SP3: variants seen among roughly 807,000 people sequenced by gnomAD.
SP3 encodes the protein Sp3 transcription factor, also known as transcription factor Sp3.
In SP3, 10 loss-of-function variants were observed where a neutral mutation model predicts 70.3. The ratio of observed to expected loss-of-function variants is 0.14; its 90% CI spans 0.09 to 0.24. The LOEUF is 0.24. Ranked by LOEUF, SP3 falls within the 10% of genes least tolerant of loss-of-function variation. The probability of loss-of-function intolerance (pLI) is 1.00; values close to 1 mark genes in which losing one functional copy is unlikely to be tolerated. For missense variants in SP3, 825 were observed against 914.6 expected, an observed-to-expected ratio of 0.90 and a Z score of 1.26; for synonymous variants, 402 against 333.5, an observed-to-expected ratio of 1.21 and a Z score of -2.24.
chr2:173,938,688 C>G (rs918130544), intron 4 of SP3, among the ~76,000 whole-genome samples: 1 of 151,808 alleles, frequency 6.6e-6, no homozygotes, highest in African/African-American at 2.4e-5. Context: ...ATTAAACAAG[C>G]GGTAATTCAA....
chr2:173,907,089 T>A lies in SP3; in HGVS notation c.*2852A>T, dbSNP rs1258873582. ...AAAGGTTATGTGCTTTTTGGTTGAG[T>A]CACTTTTCAGTAATTAAGCCTCAAT... On this transcript the variant is annotated 3_prime_UTR_variant, in exon 7 of 7. Coordinates refer to ENST00000310015, the MANE Select transcript of SP3 (RefSeq NM_003111.5). 2 of 152,156 alleles carry A rather than the reference T, an allele frequency of 1.3e-5. No individual in the cohort carries two copies. Among genetic ancestry groups the A allele is most frequent in the Non-Finnish European group, 2.9e-5 (2 of 68,006 alleles). 9.4% of individuals were successfully genotyped at this position (152,156 alleles called of 1,614,324 possible). A position where few individuals can be genotyped will look rare whatever the true frequency, so the allele number is the denominator to read the frequency against.
In SP3 at chr2:173,954,854, G is replaced by A; in HGVS notation, c.1639+19C>T. ...TTATCACTGAACTTATTTATGGCAT[G>A]ACATAACTTAAGACTCACCTGCAGG... On this transcript the variant is annotated intron_variant, in intron 4 of 6. Coordinates refer to ENST00000310015, the MANE Select transcript of SP3 (RefSeq NM_003111.5). 6.3e-7 allele frequency: 1 copy of A among 1,599,866 alleles called. No homozygotes were observed. The highest frequency in any genetic ancestry group is 2.2e-5 in the East Asian group (1 of 44,522).
At chr2:173,925,154 A>C (rs1296911262) in intron 4 of SP3, among the ~76,000 whole-genome samples, 1 of 152,152 alleles carries the variant, frequency 6.6e-6, no homozygotes, top group African/African-American at 2.4e-5. Flanking sequence ...TGATCCGCCC[A>C]CCCAAAGTGC....
chr2:173,913,171 C>T lies in SP3; in HGVS notation c.1928G>A (p.Arg643His). Residue 643 changes from arginine to histidine, a missense_variant, in exon 6 of 7, where the codon CGT (arginine) becomes CAT (histidine). Physicochemically the swap from Arg to His is conservative, Grantham distance 29 (BLOSUM62 0). Coordinates refer to ENST00000310015, the MANE Select transcript of SP3 (RefSeq NM_003111.5). ...AAAAGGGCGTTCTCCAGAATGCCAA[C>T]GCAGATGAGCTCTCAGATGTGAGGT... ...GKTSHLRAHLRWHSGERPFVC... is the reference protein window; with the variant it reads ...GKTSHLRAHLHWHSGERPFVC... The T allele has an allele frequency of 6.2e-7, 1 of 1,613,524 alleles. No individual in the cohort carries two copies.
intron 4 of SP3, among the ~76,000 whole-genome samples, chr2:173,944,108 T>C (rs1690460757): frequency 6.6e-6 from 1 of 152,244 alleles, no homozygotes; most frequent in South Asian, 2.1e-4. Flanking sequence ...AGCATGTGAC[T>C]ATAACCTCAA....
chr2:173,955,344 T>G lies in SP3; in HGVS notation c.1168A>C (p.Thr390Pro), dbSNP rs1455045733. The change falls in exon 4 of 7, where the codon ACA (threonine) becomes CCA (proline). Residue 390 changes from threonine (T) to proline (P), a missense_variant. Physicochemically the swap from Thr to Pro is conservative, Grantham distance 38. Around this residue, in one of 4 missense-constraint regions of SP3, gnomAD observed 678 missense variants for 651.6 expected, o/e 1.04. Coordinates refer to ENST00000310015, the MANE Select transcript of SP3 (RefSeq NM_003111.5). ...AGATGCTGTACAACAGGCTGTGCTG[T>G]AGAAACCTGAATATTCTGTGCCTGT... ...ETQAQNIQVS[T>P]AQPVVQHLQL... is the part of the protein sequence containing the mutation. 1 of 1,613,940 alleles carries G rather than the reference T, an allele frequency of 6.2e-7. No homozygotes were observed. The highest frequency in any genetic ancestry group is 8.5e-7 in the Non-Finnish European group (1 of 1,180,014).
rs542541939 is a variant in SP3, at chr2:173,904,203, G to A, written c.*5738C>T. 8.5e-5 allele frequency among the ~76,000 whole-genome samples: 13 copies of A among 152,240 alleles called. No homozygotes were observed. The highest frequency in any genetic ancestry group is 7.8e-4 in the Admixed American group (12 of 15,302). ...CGCTTACCTCCTGCTGTATGGCCTG[G>A]TTCCTCACAGACCAGGGACCAGGAC... On this transcript the variant is annotated 3_prime_UTR_variant, in exon 7 of 7. Transcript: ENST00000310015.
rs1689310566 is a variant in SP3, at chr2:173,906,048, A to G, written c.*3893T>C. ...GACTAGAATGAATTTTTCTGGGGAGAAGGTGTAGGATTCCAAAAAGACTAG... is the reference window on the plus strand; with the variant it reads ...GACTAGAATGAATTTTTCTGGGGAGGAGGTGTAGGATTCCAAAAAGACTAG... On this transcript the variant is annotated 3_prime_UTR_variant, in exon 7 of 7. Coordinates refer to ENST00000310015, the MANE Select transcript of SP3 (RefSeq NM_003111.5). Among the ~76,000 whole-genome samples the G allele has an allele frequency of 6.6e-6, 1 of 152,140 alleles. No homozygotes were observed.
chr2:173,910,344 C>A, intron 6 of SP3, 87 bp from the exon 7 acceptor site: 3 of 1,115,576 alleles, frequency 2.7e-6, no homozygotes. Context: ...AGTAAGTCAA[C>A]GCTGACAGGT....
chr2:173,945,377 T>A (rs1019884769), intron 4 of SP3, among the ~76,000 whole-genome samples: 2 of 152,154 alleles, frequency 1.3e-5, no homozygotes, highest in Non-Finnish European at 2.9e-5. Context: ...TCTAAATTGT[T>A]ATACTAAAAA....
At chr2:173,948,223 C>G (rs1690602917) in intron 4 of SP3, among the ~76,000 whole-genome samples, 1 of 152,114 alleles carries the variant, frequency 6.6e-6, no homozygotes, top group Admixed American at 6.5e-5. Flanking sequence ...TACCCTTATC[C>G]AAGGTTTTGC....
chr2:173,946,753 C>T (rs984637745), intron 4 of SP3, among the ~76,000 whole-genome samples: 3 of 144,236 alleles, frequency 2.1e-5, no homozygotes, highest in African/African-American at 2.6e-5. Context: ...GACAGGGCCT[C>T]GGTCTGTCAC....
chr2:173,934,778 T>C (rs1306140925), intron 4 of SP3, among the ~76,000 whole-genome samples: 2 of 152,190 alleles, frequency 1.3e-5, no homozygotes, highest in African/African-American at 4.8e-5. Flanking sequence ...ACCTTCAAGG[T>C]CAAAAGCTTT....
chr2:173,956,299 A>G lies in SP3; in HGVS notation c.280-67T>C, dbSNP rs1324934994. 6 of 1,486,138 alleles carry G rather than the reference A, an allele frequency of 4.0e-6. No individual in the cohort carries two copies. The African/African-American group carries it at 5.6e-5, about 14-fold the overall frequency. The allele number at this position is 1,486,138 out of a possible 1,614,324, so 92.1% of individuals were successfully genotyped here. A position where few individuals can be genotyped will look rare whatever the true frequency, so the allele number is the denominator to read the frequency against. On this transcript the variant is annotated intron_variant, in intron 3 of 6. Transcript: ENST00000310015. ...TTAAATCAACCCTCAAAAAATTCTA[A>G]AAACTGGTATAAATCCTACTACCTG...
intron 4 of SP3, among the ~76,000 whole-genome samples, chr2:173,932,812 G>A (rs1690102988): frequency 6.6e-6 from 1 of 152,064 alleles, no homozygotes; most frequent in Non-Finnish European, 1.5e-5. Flanking sequence ...CTGACACGGT[G>A]AAACCCCGTC....
At chr2:173,963,904 C>A in intron 2 of SP3, 21 bp from the exon 3 acceptor site, 2 of 1,459,958 alleles carry the variant, frequency 1.4e-6, no homozygotes, top group Non-Finnish European at 1.8e-6. Context: ...TGGGCGGGTT[C>A]AGAGAGGGAG....
intron 4 of SP3, among the ~76,000 whole-genome samples, chr2:173,933,675 A>G (rs912361265): frequency 2.9e-5 from 2 of 69,998 alleles, no homozygotes; most frequent in Non-Finnish European, 3.4e-5. Context: ...TATATATAAA[A>G]GTTATAAAGT....
intron 3 of SP3, chr2:173,963,230 T>G (rs1488348797): frequency 6.6e-6 from 1 of 152,182 alleles, no homozygotes; most frequent in Non-Finnish European, 1.5e-5. Flanking sequence ...TCAACGATTT[T>G]GAATGGTCAA....
intron 5 of SP3, chr2:173,913,894 T>C (rs1446913697): frequency 6.6e-6 from 1 of 152,188 alleles, no homozygotes; most frequent in Non-Finnish European, 1.5e-5. Flanking sequence ...ATCAAAATTA[T>C]CTTTACATTT....
Sources: gnomAD v4.1 joint callset for allele counts (sites outside exome capture counted in the v4.1 genomes callset) on GRCh38, gnomAD v4.1.1 for gene constraint, gnomAD v4.1.1 regional missense constraint, MANE v1.5 for transcripts, NCBI Gene and HGNC (gene_info 2026-07-23, HGNC 2026-07-21) for gene names.